CCNI: variants seen among roughly 807,000 people sequenced by gnomAD.
CCNI encodes cyclin-I.
In CCNI, 14 loss-of-function variants were observed where a neutral mutation model predicts 34.1. The ratio of observed to expected loss-of-function variants is 0.41; its 90% CI spans 0.27 to 0.64. CCNI has a LOEUF of 0.64. Ranked by LOEUF, CCNI falls within the 30% of genes least tolerant of loss-of-function variation. The pLI is 0.31. For missense variants in CCNI, 385 were observed against 440.5 expected (o/e 0.87, Z 1.13); for synonymous variants, 154 against 158.4 (o/e 0.97, Z 0.21).
chr4:77,048,289 CCA>C lies in CCNI; in HGVS notation c.1062_1063del (p.Cys354TrpfsTer3). 1 of 1,614,102 alleles carries C rather than the reference CCA, an allele frequency of 6.2e-7. No homozygotes were observed. Among genetic ancestry groups the C allele is most frequent in the Non-Finnish European group, 8.5e-7 (1 of 1,180,000 alleles). ...TCCCTCTTGTCTTGATAAATCAGTG[CCA>C]CACACAGAACCCACATTTTCTGAGA... On this transcript the variant is annotated frameshift_variant, in exon 7 of 7. Transcript: ENST00000237654. LOFTEE classifies it high-confidence loss of function.
At chr4:77,057,064 T>A (rs867850420) in intron 3 of CCNI, among the ~76,000 whole-genome samples, 32 of 152,236 alleles carry the variant, frequency 2.1e-4, no homozygotes, top group African/African-American at 7.0e-4. Context: ...AATTAAAAAA[T>A]TTTTTGTGTA....
In CCNI at chr4:77,058,383, A is replaced by G. The variant is rs954360345; in HGVS notation, c.243+124T>C. ...CATCACCATGTCTTCTTATGGGTAC[A>G]TACATCATTCTCCAGCAAAGTTCTC... On this transcript the variant is annotated intron_variant, in intron 3 of 6. Transcript: ENST00000237654. 3.0e-5 allele frequency: 19 copies of G among 643,372 alleles called. No individual in the cohort carries two copies. In the East Asian group the frequency reaches 3.5e-4, roughly 12 times the overall value. The allele number at this position is 643,372 out of a possible 1,614,324, so 39.9% of individuals were successfully genotyped here. A position where few individuals can be genotyped will look rare whatever the true frequency, so the allele number is the denominator to read the frequency against.
chr4:77,072,666 A>C lies in CCNI; in HGVS notation c.-44+2806T>G, dbSNP rs568798282. Among the ~76,000 whole-genome samples, 378 of 150,470 alleles carry C rather than the reference A, an allele frequency of 2.5e-3. 3 individuals carry two copies. Among genetic ancestry groups the C allele is most frequent in the African/African-American group, 8.2e-3 (333 of 40,838 alleles). ...AAAAAAAAAAAAAAAAAAAAAGAAAAGAAACGAAACTGCAATACCTGACCC... is the reference window on the plus strand; with the variant it reads ...AAAAAAAAAAAAAAAAAAAAAGAAACGAAACGAAACTGCAATACCTGACCC... On this transcript the variant is annotated intron_variant, in intron 1 of 6. Coordinates refer to ENST00000237654, the MANE Select transcript of CCNI (RefSeq NM_006835.3).
intron 6 of CCNI, among the ~76,000 whole-genome samples, chr4:77,051,961 T>G (rs1727879560): frequency 6.6e-6 from 1 of 151,330 alleles, no homozygotes; most frequent in South Asian, 2.1e-4. Flanking sequence ...TTTGTTTTTT[T>G]TTTTTTAAAT....
chr4:77,066,561 C>CA (rs1255332949), intron 1 of CCNI, among the ~76,000 whole-genome samples, 156 bp from the exon 2 acceptor site: 2 of 152,172 alleles, frequency 1.3e-5, no homozygotes, highest in Non-Finnish European at 2.9e-5. Context: ...CCAAAATAAT[C>CA]AGTTATCTAA....
intron 2 of CCNI, among the ~76,000 whole-genome samples, chr4:77,059,936 TCAA>T (rs1000415647): frequency 6.6e-6 from 1 of 152,018 alleles, no homozygotes; most frequent in Non-Finnish European, 1.5e-5. Flanking sequence ...GCCAAACACA[TCAA>T]CAAGGAAATA....
intron 1 of CCNI, among the ~76,000 whole-genome samples, chr4:77,066,882 G>C (rs1169845445): frequency 6.6e-6 from 1 of 152,090 alleles, no homozygotes; most frequent in Non-Finnish European, 1.5e-5. Flanking sequence ...CTTAAATTGC[G>C]CTTCCAATTC....
rs142029835 is a variant in CCNI at position 77,058,601 on chromosome 4, T to C, written c.149A>G (p.Gln50Arg). 6.2e-7 allele frequency: 1 copy of C among 1,613,484 alleles called. No individual in the cohort carries two copies. Among genetic ancestry groups the C allele is most frequent in the Non-Finnish European group, 8.5e-7 (1 of 1,179,570 alleles). The change falls in exon 3 of 7, where the codon CAA becomes CGA. Residue 50 changes from glutamine to arginine, a missense_variant. By Grantham distance (43) the Gln-to-Arg change is conservative. Coordinates refer to ENST00000237654, the MANE Select transcript of CCNI (RefSeq NM_006835.3). ...TTGGTACTTGAGTTTGGCCAGCCAT[T>C]GAATTACTTCATCTCTCTGGGATGG... The part of the protein sequence containing the change: ...VSPSQRDEVI[Q>R]WLAKLKYQFN...
intron 6 of CCNI, among the ~76,000 whole-genome samples, chr4:77,051,032 A>C (rs1727789372): frequency 6.6e-6 from 1 of 152,196 alleles, no homozygotes; most frequent in South Asian, 2.1e-4. Context: ...ACCCACTCGC[A>C]TTGTCCTGTA....
chr4:77,063,353 A>T (rs1211046368), intron 2 of CCNI, among the ~76,000 whole-genome samples: 1 of 150,042 alleles, frequency 6.7e-6, no homozygotes, highest in African/African-American at 2.4e-5. Flanking sequence ...GTAAAAAAAA[A>T]AAAAAAAAAA....
At chr4:77,059,338 C>T (rs531370175) in intron 2 of CCNI, among the ~76,000 whole-genome samples, 1 of 150,894 alleles carries the variant, frequency 6.6e-6, no homozygotes, top group Non-Finnish European at 1.5e-5. Flanking sequence ...GTTTTGGAGT[C>T]GCCATTAAAA....
chr4:77,059,107 A>G (rs893913275), intron 2 of CCNI, among the ~76,000 whole-genome samples: 16 of 152,130 alleles, frequency 1.1e-4, no homozygotes, highest in Non-Finnish European at 2.2e-4. Flanking sequence ...ATCAATAGTA[A>G]TAAGTAAAAG....
chr4:77,056,202 G>T (rs1179401502), intron 4 of CCNI, 47 bp downstream of exon 4: 5 of 1,594,012 alleles, frequency 3.1e-6, no homozygotes, highest in Non-Finnish European at 4.3e-6. Context: ...AATAAATGTG[G>T]AGAGAAATTT....
intron 1 of CCNI, chr4:77,074,684 G>A (rs1232471245): frequency 6.6e-6 from 1 of 152,184 alleles, no homozygotes; most frequent in Admixed American, 6.5e-5. Context: ...GTTATTTAAC[G>A]TCATTACTGT....
At chr4:77,058,483 G>C (rs377386164) in intron 3 of CCNI, 24 bp downstream of exon 3, 2 of 1,593,866 alleles carry the variant, frequency 1.3e-6, no homozygotes, top group African/African-American at 1.3e-5. Flanking sequence ...GAGGTTATAT[G>C]TAAGTCTATC....
intron 2 of CCNI, among the ~76,000 whole-genome samples, chr4:77,063,422 G>A (rs1033480077): frequency 2.0e-5 from 3 of 151,604 alleles, no homozygotes; most frequent in Non-Finnish European, 4.4e-5. Context: ...GAAGGTGCTG[G>A]GTGCGGTGGC....
At chr4:77,072,666 A>AGAAAC (rs1412703858) in intron 1 of CCNI, among the ~76,000 whole-genome samples, 14 of 150,546 alleles carry the variant, frequency 9.3e-5, no homozygotes, top group African/African-American at 2.9e-4. Flanking sequence ...AAAAAAGAAA[A>AGAAAC]GAAACGAAAC....
At chr4:77,068,127 A>G (rs1390901652) in intron 1 of CCNI, among the ~76,000 whole-genome samples, 1 of 152,110 alleles carries the variant, frequency 6.6e-6, no homozygotes, top group Non-Finnish European at 1.5e-5. Flanking sequence ...GCAATGAGCC[A>G]AGATTGCACC....
rs1458743231 is a variant in CCNI at position 77,075,403 on chromosome 4, C to G, written c.-44+69G>C. Reference sequence around the variant, plus strand: ...CACGGGGGCGGCGCGGGGGGAGCAGCGGGGCCCCAGCGCGTCGACGCCGGC... The same window carrying G: ...CACGGGGGCGGCGCGGGGGGAGCAGGGGGGCCCCAGCGCGTCGACGCCGGC... On this transcript the variant is annotated intron_variant, in intron 1 of 6. Coordinates refer to ENST00000237654, the MANE Select transcript of CCNI (RefSeq NM_006835.3). 9.8e-6 allele frequency: 6 copies of G among 609,340 alleles called. No homozygotes were observed. In the Admixed American group the frequency reaches 2.6e-4, roughly 26 times the overall value. The allele number at this position is 609,340 out of a possible 1,614,324, so 37.7% of individuals were successfully genotyped here.
Sources: allele counts gnomAD v4.1 joint callset (sites outside exome capture counted in the v4.1 genomes callset), GRCh38; gene constraint gnomAD v4.1.1; transcripts MANE v1.5; gene names NCBI Gene and HGNC (gene_info 2026-07-23, HGNC 2026-07-21).